The following CCDC149 variants were observed in gnomAD, a reference collection of about 807,000 sequenced individuals.
CCDC149 encodes coiled-coil domain containing 149, also known as coiled-coil domain-containing protein 149.
In CCDC149, 45 loss-of-function variants were observed where a neutral mutation model predicts 59.9. The observed-to-expected ratio is 0.75, with a 90% CI of 0.59 to 0.96. The LOEUF is 0.96. Among genes scored for constraint, CCDC149 ranks in the 40% least tolerant of loss-of-function variants. CCDC149 has a pLI of 0.00. For synonymous variants in CCDC149, 245 were observed against 260.6 expected (o/e 0.94, Z 0.58); for missense variants, 584 against 664.7 (o/e 0.88, Z 1.33).
At chr4:24,910,771 C>A (rs1465635295) in intron 1 of CCDC149, among the ~76,000 whole-genome samples, 2 of 152,184 alleles carry the variant, frequency 1.3e-5, no homozygotes, top group Non-Finnish European at 2.9e-5. Context: ...CTTCCACTTA[C>A]CAGATGTGAG....
chr4:24,814,449 C>T (rs560177881), intron 12 of CCDC149, among the ~76,000 whole-genome samples: 1 of 152,278 alleles, frequency 6.6e-6, no homozygotes, highest in East Asian at 1.9e-4. Context: ...ATTCTAGTCT[C>T]CTCCTACACT....
chr4:24,884,778 A>G (rs559458500), intron 1 of CCDC149, among the ~76,000 whole-genome samples: 60 of 152,346 alleles, frequency 3.9e-4, no homozygotes, highest in African/African-American at 1.4e-3. Flanking sequence ...AAGAGTTAGT[A>G]TATGTAAAAC....
At chr4:24,873,854 AG>A in intron 2 of CCDC149, 135 bp from the exon 3 acceptor site, 6 of 643,268 alleles carry the variant, frequency 9.3e-6, no homozygotes, top group Non-Finnish European at 1.3e-5. Flanking sequence ...AATGTGCTGA[AG>A]CAAGCTCAAA....
intron 1 of CCDC149, among the ~76,000 whole-genome samples, chr4:24,889,818 T>C (rs1481746290): frequency 1.3e-5 from 2 of 152,198 alleles, no homozygotes; most frequent in East Asian, 3.8e-4. Context: ...GTTCATTTTA[T>C]CTGTCTCAGT....
chr4:24,889,456 T>A (rs113052805), intron 1 of CCDC149, among the ~76,000 whole-genome samples: 2,419 of 152,296 alleles, frequency 0.016, 60 homozygotes, highest in African/African-American at 0.055. Context: ...CGGTACGCCT[T>A]GCAGTTCTGG....
intron 4 of CCDC149, among the ~76,000 whole-genome samples, chr4:24,844,029 T>C (rs1358833598): frequency 3.9e-5 from 6 of 152,122 alleles, no homozygotes; most frequent in Non-Finnish European, 8.8e-5. Flanking sequence ...GCTTCTTTTG[T>C]CTCATTCAGG....
intron 1 of CCDC149, among the ~76,000 whole-genome samples, chr4:24,907,788 G>T (rs1437306364): frequency 6.6e-6 from 1 of 152,140 alleles, no homozygotes; most frequent in Non-Finnish European, 1.5e-5. Flanking sequence ...CAGTCCTGGA[G>T]GTTTGAAGTC....
intron 4 of CCDC149, among the ~76,000 whole-genome samples, chr4:24,839,935 C>A (rs894791489): frequency 6.6e-6 from 1 of 152,080 alleles, no homozygotes; most frequent in African/African-American, 2.4e-5. Context: ...CAGGAGTGCC[C>A]GTGGGGGACA....
chr4:24,901,136 A>G (rs1381177100), intron 1 of CCDC149, among the ~76,000 whole-genome samples: 1 of 152,264 alleles, frequency 6.6e-6, no homozygotes, highest in Non-Finnish European at 1.5e-5. Context: ...TTGTTGCAAT[A>G]AAATAGCTTC....
In CCDC149 at chr4:24,883,193, GTTTTC is replaced by G. The variant is rs1469916972; in HGVS notation, c.64-6501_64-6497del. 4.6e-5 allele frequency among the ~76,000 whole-genome samples: 5 copies of G among 107,764 alleles called. No homozygotes were observed. In the East Asian group the frequency reaches 1.0e-3, roughly 22 times the overall value. The allele number at this position is 107,764 out of a possible 152,430, so 70.7% of individuals were successfully genotyped here. ...TCATGATATATTAGTTGCAACCCTT[GTTTTC>G]TTTTCTTTTTTTTTTTTTTAAAGGT... On this transcript the variant is annotated intron_variant, in intron 1 of 12. Transcript: ENST00000635206.
At chr4:24,810,120 CCT>C (rs1714501605) in intron 12 of CCDC149, among the ~76,000 whole-genome samples, 1 of 152,148 alleles carries the variant, frequency 6.6e-6, no homozygotes, top group South Asian at 2.1e-4. Flanking sequence ...CAGTTTCTCC[CCT>C]CTGTTAAATA....
chr4:24,811,031 T>C (rs1714568267), intron 12 of CCDC149, among the ~76,000 whole-genome samples: 1 of 152,132 alleles, frequency 6.6e-6, no homozygotes, highest in Non-Finnish European at 1.5e-5. Flanking sequence ...GTATACAGAT[T>C]TACTTGCCAA....
chr4:24,819,180 C>A (rs777301599), intron 12 of CCDC149, among the ~76,000 whole-genome samples: 1 of 152,200 alleles, frequency 6.6e-6, no homozygotes, highest in Non-Finnish European at 1.5e-5. Context: ...AGGCAATGTG[C>A]CAAGATTTCC....
chr4:24,922,175 T>C (rs1207094452), intron 1 of CCDC149, among the ~76,000 whole-genome samples: 1 of 152,180 alleles, frequency 6.6e-6, no homozygotes, highest in Non-Finnish European at 1.5e-5. Context: ...ACTAATTACA[T>C]CTGCAATGAC....
intron 1 of CCDC149, among the ~76,000 whole-genome samples, chr4:24,904,952 A>C (rs779214511): frequency 2.9e-4 from 44 of 152,234 alleles, no homozygotes; most frequent in Non-Finnish European, 6.0e-4. Flanking sequence ...CCCAGGCTGG[A>C]GTGCACTGGT....
chr4:24,979,206 C>T (rs1028014073), intron 1 of CCDC149, among the ~76,000 whole-genome samples: 13 of 152,204 alleles, frequency 8.5e-5, no homozygotes, highest in African/African-American at 3.1e-4. Flanking sequence ...TATTTATTAA[C>T]TAACTTTTAT....
At chr4:24,826,388 G>A (rs1028172022) in intron 9 of CCDC149, among the ~76,000 whole-genome samples, 1 of 152,224 alleles carries the variant, frequency 6.6e-6, no homozygotes, top group Admixed American at 6.5e-5. Context: ...GCATCGTCCA[G>A]GTGGCGTTGA....
chr4:24,852,287 TACACAC>T (rs768071017), intron 4 of CCDC149, among the ~76,000 whole-genome samples: 11,375 of 121,194 alleles, frequency 0.094, 517 homozygotes, highest in African/African-American at 0.16. Context: ...CAACACACCA[TACACAC>T]ACACACACAC....
chr4:24,907,668 C>G lies in CCDC149; in HGVS notation c.63+5149G>C, dbSNP rs563483411. 1.4e-4 allele frequency among the ~76,000 whole-genome samples: 21 copies of G among 152,292 alleles called. No homozygotes were observed. The East Asian group carries it at 4.1e-3, about 29-fold the overall frequency. On this transcript the variant is annotated intron_variant, in intron 1 of 12. Transcript: ENST00000635206. ...TCTGAGTGGTGAATCAGCCAAAAGCCAGCCCTAGCATGGAATTACTAGTCA... is the reference window on the plus strand; with the variant it reads ...TCTGAGTGGTGAATCAGCCAAAAGCGAGCCCTAGCATGGAATTACTAGTCA...
Sources: gnomAD v4.1 joint callset for allele counts (sites outside exome capture counted in the v4.1 genomes callset) on GRCh38, gnomAD v4.1.1 for gene constraint, MANE v1.5 for transcripts, NCBI Gene and HGNC (gene_info 2026-07-23, HGNC 2026-07-21) for gene names.